The following PCDHGB2 variants were observed in gnomAD, a reference collection of about 807,000 sequenced individuals.
PCDHGB2 encodes the protein protocadherin gamma subfamily B, 2, also known as protocadherin gamma-B2.
PCDHGB2 carries 55 observed loss-of-function variants against 59.3 expected under a neutral mutation model. The observed-to-expected ratio is 0.93, with a 90% confidence interval of 0.75 to 1.16. The LOEUF is 1.16. PCDHGB2 is among the 50% of genes most tolerant of loss of function. The pLI, the probability that PCDHGB2 is intolerant of heterozygous loss-of-function variation, is 0.00. For synonymous variants in PCDHGB2, 516 were observed against 512.0 expected (o/e 1.01, Z -0.11); for missense variants, 1,228 against 1,198.5 (o/e 1.02, Z -0.36).
At chr5:141,425,209 A>ATCAT (rs1368049572) in intron 1 of PCDHGB2, among the ~76,000 whole-genome samples, 2 of 152,180 alleles carry the variant, frequency 1.3e-5, no homozygotes, top group Admixed American at 1.3e-4. Flanking sequence ...GATGTAAGGC[A>ATCAT]TTGTACTTTG....
intron 1 of PCDHGB2, chr5:141,440,921 G>C (rs1213425379): frequency 6.6e-6 from 1 of 152,260 alleles, no homozygotes; most frequent in Non-Finnish European, 1.5e-5. Context: ...TGTGCTGAGA[G>C]TGAGGGCCAC....
At position 141,485,010 on chromosome 5, in the gene PCDHGB2, C is replaced by T; in HGVS notation, c.2422-9797C>T. 1 of 629,958 alleles carries T rather than the reference C, an allele frequency of 1.6e-6. No homozygotes were observed. The highest frequency in any genetic ancestry group is 2.9e-6 in the Non-Finnish European group (1 of 350,608). 39.0% of individuals were successfully genotyped at this position (629,958 alleles called of 1,614,324 possible). On this transcript the variant is annotated intron_variant, in intron 1 of 3. Coordinates refer to ENST00000522605, the MANE Select transcript of PCDHGB2 (RefSeq NM_018923.3). This position sits in a 1 kb window ranked among gnomAD's most constrained non-coding sequence, Gnocchi z 5.7. ...GTGGTGAAAGGCAGACAAATCTACC[C>T]CGCCACCAGCAAAAACGGCGCGTAA...
intron 1 of PCDHGB2, chr5:141,393,832 T>C (rs953592252): frequency 6.2e-7 from 1 of 1,613,866 alleles, no homozygotes; most frequent in African/African-American, 1.3e-5. Context: ...GTGGAAGATG[T>C]AAATGACAAT....
At chr5:141,367,861 G>A (rs1344780297) in intron 1 of PCDHGB2, 1 of 152,032 alleles carries the variant, frequency 6.6e-6, no homozygotes, top group Non-Finnish European at 1.5e-5. Context: ...GTTTCTTTAA[G>A]TGTAGGTGCA....
chr5:141,470,622 A>G (rs1323376824), intron 1 of PCDHGB2, among the ~76,000 whole-genome samples: 6 of 152,336 alleles, frequency 3.9e-5, no homozygotes, highest in Admixed American at 6.5e-5. Flanking sequence ...CTTCATGCTT[A>G]GATAGGCCCC....
At chr5:141,478,442 C>T in intron 1 of PCDHGB2, 1 of 1,613,608 alleles carries the variant, frequency 6.2e-7, no homozygotes, top group Non-Finnish European at 8.5e-7. Flanking sequence ...GCTGAAGAAA[C>T]CTGGTGCAGC....
intron 1 of PCDHGB2, among the ~76,000 whole-genome samples, chr5:141,434,448 G>A (rs2097694852): frequency 6.6e-6 from 1 of 152,210 alleles, no homozygotes; most frequent in Non-Finnish European, 1.5e-5. Context: ...CATGCTGGAA[G>A]GTAGTGGGTT....
In PCDHGB2 at chr5:141,362,149, T is replaced by C. The variant is rs759063405; in HGVS notation, c.2014T>C (p.Leu672=). ...LIFADSLQEV[L]PDLSDRREPS... ...CTTCGCGGATAGCCTGCAAGAGGTATTGCCAGACCTCAGCGACCGCCGGGA... is the reference window on the plus strand; with the variant it reads ...CTTCGCGGATAGCCTGCAAGAGGTACTGCCAGACCTCAGCGACCGCCGGGA... Residue 672 remains leucine, a synonymous_variant, in exon 1 of 4, where the codon TTG becomes CTG. Coordinates refer to ENST00000522605, the MANE Select transcript of PCDHGB2 (RefSeq NM_018923.3). The C allele has an allele frequency of 1.2e-6, 2 of 1,614,036 alleles. No individual in the cohort carries two copies. Among genetic ancestry groups the C allele is most frequent in the East Asian group, 2.2e-5 (1 of 44,876 alleles).
At chr5:141,441,746 C>CGTCAA in intron 1 of PCDHGB2, 1 of 371,314 alleles carries the variant, frequency 2.7e-6, no homozygotes, top group Non-Finnish European at 5.4e-6. Context: ...TCGCGCTCGG[C>CGTCAA]GTCAACGTGA....
intron 1 of PCDHGB2, chr5:141,372,939 G>A (rs1026338118): frequency 1.1e-5 from 9 of 824,676 alleles, no homozygotes; most frequent in Non-Finnish European, 1.6e-5. Flanking sequence ...GTAGAGTAGG[G>A]TGTCTAGGAA....
At chr5:141,422,501 CCA>C in intron 1 of PCDHGB2, 1 of 1,613,928 alleles carries the variant, frequency 6.2e-7, no homozygotes, top group African/African-American at 1.3e-5. Flanking sequence ...ACGTTGACAG[CCA>C]CAGACCAGGG....
At chr5:141,371,783 G>A in intron 1 of PCDHGB2, 1 of 1,613,986 alleles carries the variant, frequency 6.2e-7, no homozygotes, top group Non-Finnish European at 8.5e-7. Flanking sequence ...ATGTAGCTGA[G>A]AACAATCCGC....
Position 141,415,580 on chromosome 5 carries a change from A to C in PCDHGB2, c.2421+53024A>C, listed in dbSNP as rs773634634. The C allele has an allele frequency of 4.3e-6, 7 of 1,613,976 alleles. No individual in the cohort carries two copies. The Admixed American group carries it at 1.2e-4, about 27-fold the overall frequency. Reference sequence around the variant, plus strand: ...CCTTTGTCTTTGTTAGATGATTCGAAGTTTCCTATAGAGGATACCCCATTG... The same window carrying C: ...CCTTTGTCTTTGTTAGATGATTCGACGTTTCCTATAGAGGATACCCCATTG... On this transcript the variant is annotated intron_variant, in intron 1 of 3. Transcript: ENST00000522605.
intron 1 of PCDHGB2, chr5:141,374,322 G>A: frequency 6.2e-7 from 1 of 1,613,980 alleles, no homozygotes; most frequent in Middle Eastern, 1.7e-4. Context: ...CTGAATCCGC[G>A]AAACGGCAGC....
At chr5:141,388,360 A>T in intron 1 of PCDHGB2, 4 of 1,613,996 alleles carry the variant, frequency 2.5e-6, no homozygotes, top group Non-Finnish European at 3.4e-6. Flanking sequence ...TCTGCCCATG[A>T]TGCGGATATT....
At position 141,431,848 on chromosome 5, in the gene PCDHGB2, G is replaced by A. The variant is rs747401379; in HGVS notation, c.2422-62959G>A. 11 of 1,614,142 alleles carry A rather than the reference G, an allele frequency of 6.8e-6. No homozygotes were observed. The highest frequency in any genetic ancestry group is 2.2e-5 in the East Asian group (1 of 44,906). On this transcript the variant is annotated intron_variant, in intron 1 of 3. Coordinates refer to ENST00000522605, the MANE Select transcript of PCDHGB2 (RefSeq NM_018923.3). The surrounding 1 kb of genome is among the most constrained non-coding windows in gnomAD (Gnocchi z 4.8). ...CGGTTCCCGAAAACTCTCCCAGAGGGACATTAATTGCCCTTTTAAATGTAA... is the reference window on the plus strand; with the variant it reads ...CGGTTCCCGAAAACTCTCCCAGAGGAACATTAATTGCCCTTTTAAATGTAA...
rs1376069004 is a variant in PCDHGB2 at position 141,457,869 on chromosome 5, G to T, written c.2422-36938G>T. On this transcript the variant is annotated intron_variant, in intron 1 of 3. Transcript: ENST00000522605. ...AAGTGACATTCTTCACTGACCACAG[G>T]TTAGGAACCCTGTGTGGGGACTGTG... 2.0e-5 allele frequency among the ~76,000 whole-genome samples: 3 copies of T among 152,334 alleles called. No individual in the cohort carries two copies. The East Asian group carries it at 5.8e-4, about 29-fold the overall frequency.
intron 1 of PCDHGB2, chr5:141,423,051 C>T (rs200022455): frequency 1.7e-5 from 28 of 1,614,084 alleles, no homozygotes; most frequent in Non-Finnish European, 2.3e-5. Context: ...TGTCCTATCG[C>T]CTGCTTAAGG....
intron 1 of PCDHGB2, among the ~76,000 whole-genome samples, chr5:141,405,902 G>A (rs777584362): frequency 2.6e-5 from 4 of 152,084 alleles, no homozygotes; most frequent in Non-Finnish European, 4.4e-5. Flanking sequence ...CTGAAAGGAG[G>A]CATTTATTAG....
Sources: allele counts gnomAD v4.1 joint callset (sites outside exome capture counted in the v4.1 genomes callset), GRCh38; gene constraint gnomAD v4.1.1; non-coding constraint Gnocchi (gnomAD v3.1); transcripts MANE v1.5; gene names NCBI Gene and HGNC (gene_info 2026-07-23, HGNC 2026-07-21).